TM9SF4: variants seen among roughly 807,000 people sequenced by gnomAD.
TM9SF4 encodes the protein transmembrane 9 superfamily member 4, also known as dinucleotide oxidase disulfide thiol exchanger 3 superfamily member 4.
TM9SF4 carries 26 observed loss-of-function variants against 90.4 expected under a neutral mutation model. The observed-to-expected ratio is 0.29, with a 90% CI of 0.21 to 0.40. The LOEUF (loss-of-function observed/expected upper bound fraction) is 0.40. TM9SF4 is among the 10% of genes least tolerant of loss of function. The pLI, the probability that TM9SF4 is intolerant of heterozygous loss-of-function variation, is 1.00. For missense variants in TM9SF4, 549 were observed against 834.8 expected (o/e 0.66, Z 4.22); for synonymous variants, 293 against 315.4 (o/e 0.93, Z 0.75).
chr20:32,161,190 G>A (rs1569111704), intron 16 of TM9SF4, 86 bp from the exon 17 acceptor site: 2 of 1,106,918 alleles, frequency 1.8e-6, no homozygotes, highest in South Asian at 1.3e-5. Context: ...TCTTACCAGA[G>A]TCTTCAGCCC....
chr20:32,143,175 A>C (rs1600819411), intron 6 of TM9SF4, 70 bp downstream of exon 6: 3 of 1,568,008 alleles, frequency 1.9e-6, no homozygotes, highest in East Asian at 4.6e-5. Flanking sequence ...GGGTCTTCGC[A>C]CTCTTCTCCC....
At chr20:32,141,992 G>A in intron 5 of TM9SF4, 97 bp downstream of exon 5, 1 of 1,560,638 alleles carries the variant, frequency 6.4e-7, no homozygotes, top group Non-Finnish European at 8.7e-7. Context: ...GCCACAGCAA[G>A]TTTCTCCAGG....
intron 1 of TM9SF4, among the ~76,000 whole-genome samples, chr20:32,115,476 A>T (rs1039257415): frequency 6.6e-6 from 1 of 152,210 alleles, no homozygotes; most frequent in Non-Finnish European, 1.5e-5. Flanking sequence ...CCATTTGCTG[A>T]CACTAGAGTT....
intron 1 of TM9SF4, among the ~76,000 whole-genome samples, chr20:32,114,413 C>T (rs1359534544): frequency 6.6e-6 from 1 of 152,214 alleles, no homozygotes; most frequent in Non-Finnish European, 1.5e-5. Flanking sequence ...TCACTGCAGC[C>T]TCCACCTCCC....
Position 32,146,870 on chromosome 20 carries a change from C to T in TM9SF4, c.954+15C>T. 6.2e-7 allele frequency: 1 copy of T among 1,612,034 alleles called. No individual in the cohort carries two copies. On this transcript the variant is annotated intron_variant, in intron 9 of 17. Transcript: ENST00000398022. The stretch of plus-strand genomic sequence containing the variant: ...AGGATGACATTGTACGAGGTCTTGG[C>T]TGGGGAGGGATGAAGTTGGATGGGG...
At chr20:32,135,689 A>C (rs1172852766) in intron 2 of TM9SF4, among the ~76,000 whole-genome samples, 2 of 152,138 alleles carry the variant, frequency 1.3e-5, no homozygotes, top group African/African-American at 4.8e-5. Flanking sequence ...AGCTTGACTG[A>C]CTCGAGGAGC....
Position 32,143,864 on chromosome 20 carries a change from A to T in TM9SF4, c.652+759A>T, listed in dbSNP as rs536908710. Reference sequence around the variant, plus strand: ...TTCCCGAGCGCAGTTCTACGTTTGCATGTGTGACGCTTTTGAGGCCACCTG... The same window carrying T: ...TTCCCGAGCGCAGTTCTACGTTTGCTTGTGTGACGCTTTTGAGGCCACCTG... On this transcript the variant is annotated intron_variant, in intron 6 of 17. Transcript: ENST00000398022. Among the ~76,000 whole-genome samples the T allele has an allele frequency of 5.9e-5, 9 of 152,080 alleles. 1 individual carries two copies. The East Asian group carries it at 1.5e-3, about 26-fold the overall frequency.
intron 16 of TM9SF4, among the ~76,000 whole-genome samples, 157 bp downstream of exon 16, chr20:32,160,268 G>A (rs1013546797): frequency 6.6e-6 from 1 of 152,160 alleles, no homozygotes; most frequent in African/African-American, 2.4e-5. Context: ...GCCTCTCCCA[G>A]CCTCCATGTA....
rs2046545525 is a variant in TM9SF4 at position 32,133,192 on chromosome 20, C to A, written c.129+66C>A. The A allele has an allele frequency of 2.1e-6, 3 of 1,433,600 alleles. No individual in the cohort carries two copies. In the Admixed American group the frequency reaches 5.6e-5, roughly 27 times the overall value. The allele number at this position is 1,433,600 out of a possible 1,614,324, so 88.8% of individuals were successfully genotyped here. A position where few individuals can be genotyped will look rare whatever the true frequency, so the allele number is the denominator to read the frequency against. ...AGTGTGTCTGGAGCACCATGGTGAG[C>A]TGTTCGTGTCCATCCTGTGGTTGCA... On this transcript the variant is annotated intron_variant, in intron 2 of 17. Transcript: ENST00000398022.
intron 3 of TM9SF4, among the ~76,000 whole-genome samples, chr20:32,138,613 C>T (rs762764780): frequency 1.6e-4 from 24 of 152,322 alleles, no homozygotes; most frequent in East Asian, 9.7e-4. Flanking sequence ...GCTGAGATTG[C>T]GCCATTGCGC....
chr20:32,151,736 C>T (rs530283259), intron 12 of TM9SF4, among the ~76,000 whole-genome samples: 2 of 152,244 alleles, frequency 1.3e-5, no homozygotes, highest in African/African-American at 4.8e-5. Flanking sequence ...GGCTGGAGTA[C>T]AATGGCGCGA....
At chr20:32,114,975 C>T (rs1359340869) in intron 1 of TM9SF4, among the ~76,000 whole-genome samples, 3 of 152,200 alleles carry the variant, frequency 2.0e-5, no homozygotes, top group Non-Finnish European at 2.9e-5. Flanking sequence ...GTTTGGAATA[C>T]TTTAAGGTGA....
In TM9SF4 at chr20:32,122,035, C is replaced by T. The variant is rs1420221502; in HGVS notation, c.16-10978C>T. 2.1e-5 allele frequency among the ~76,000 whole-genome samples: 3 copies of T among 140,428 alleles called. No homozygotes were observed. The South Asian group carries it at 6.8e-4, about 32-fold the overall frequency. 92.1% of individuals were successfully genotyped at this position (140,428 alleles called of 152,430 possible). On this transcript the variant is annotated intron_variant, in intron 1 of 17. Coordinates refer to ENST00000398022, the MANE Select transcript of TM9SF4 (RefSeq NM_014742.4). ...TGGCTGGCCGGGCGGGGGGCTGACCCCCCCACCTCCCTCCGGGACGGGGCA... is the reference window on the plus strand; with the variant it reads ...TGGCTGGCCGGGCGGGGGGCTGACCTCCCCACCTCCCTCCGGGACGGGGCA...
chr20:32,113,234 TTCTC>T (rs1313228886), intron 1 of TM9SF4, among the ~76,000 whole-genome samples: 1 of 152,164 alleles, frequency 6.6e-6, no homozygotes, highest in East Asian at 1.9e-4. Context: ...GCTTTTCCCT[TTCTC>T]TCTTTCCTTG....
intron 2 of TM9SF4, among the ~76,000 whole-genome samples, chr20:32,133,973 ATTTTTTT>A (rs11459669): frequency 2.9e-5 from 4 of 138,918 alleles, no homozygotes; most frequent in Non-Finnish European, 4.7e-5. Context: ...TGCCTGGCTA[ATTTTTTT>A]TTTTTTTTTT....
intron 17 of TM9SF4, among the ~76,000 whole-genome samples, chr20:32,163,922 A>AGG (rs1414362038): frequency 6.6e-6 from 1 of 152,028 alleles, no homozygotes; most frequent in Non-Finnish European, 1.5e-5. Flanking sequence ...ATTTTGTGCT[A>AGG]GGATTGATGG....
At chr20:32,142,329 C>T (rs2046693869) in intron 5 of TM9SF4, among the ~76,000 whole-genome samples, 1 of 152,134 alleles carries the variant, frequency 6.6e-6, no homozygotes, top group South Asian at 2.1e-4. Flanking sequence ...TGAGCCCTTC[C>T]CAGCACAGCC....
At chr20:32,111,599 C>T (rs577858118) in intron 1 of TM9SF4, among the ~76,000 whole-genome samples, 1 of 152,222 alleles carries the variant, frequency 6.6e-6, no homozygotes, top group Non-Finnish European at 1.5e-5. Context: ...ATAATGTCAC[C>T]AGTAGATGCT....
In TM9SF4 at chr20:32,166,504, TACTC is replaced by T. The variant is rs2047100530; in HGVS notation, c.*1064_*1067del. On this transcript the variant is annotated 3_prime_UTR_variant, in exon 18 of 18. Coordinates refer to ENST00000398022, the MANE Select transcript of TM9SF4 (RefSeq NM_014742.4). ...CTGCCCTCTCTGGCCTCTGGGGTCA[TACTC>T]ACTTCTTTAGCCAGCCCCATCCCCT... 6.6e-6 allele frequency: 1 copy of T among 152,336 alleles called. No individual in the cohort carries two copies. Among genetic ancestry groups the T allele is most frequent in the African/African-American group, 2.4e-5 (1 of 41,454 alleles). The allele number at this position is 152,336 out of a possible 1,614,324, so 9.4% of individuals were successfully genotyped here. A position where few individuals can be genotyped will look rare whatever the true frequency, so the allele number is the denominator to read the frequency against.
Sources: allele counts gnomAD v4.1 joint callset (sites outside exome capture counted in the v4.1 genomes callset), GRCh38; gene constraint gnomAD v4.1.1; transcripts MANE v1.5; gene names NCBI Gene and HGNC (gene_info 2026-07-23, HGNC 2026-07-21).